Variants in THSD7A observed in about 807,000 individuals in gnomAD.
The protein encoded by THSD7A is thrombospondin type 1 domain containing 7A, also known as thrombospondin type-1 domain-containing protein 7A.
THSD7A carries 96 observed loss-of-function variants against 231.3 expected under a neutral mutation model. The observed-to-expected ratio is 0.41, with a 90% CI of 0.35 to 0.49. The LOEUF (loss-of-function observed/expected upper bound fraction) is 0.49, where lower values mean the gene tolerates loss of function less well. Ranked by LOEUF, THSD7A falls within the 20% of genes least tolerant of loss-of-function variation. The pLI, the probability that THSD7A is intolerant of heterozygous loss-of-function variation, is 0.05. For missense variants in THSD7A, 2,290 were observed against 2,070.2 expected, an observed-to-expected ratio of 1.11 and a Z score of -2.06; for synonymous variants, 940 against 743.3, an observed-to-expected ratio of 1.26 and a Z score of -4.30.
chr7:11,820,894 G>T, intron 1 of THSD7A: 1 of 891,272 alleles, frequency 1.1e-6, no homozygotes, highest in Non-Finnish European at 1.8e-6. Flanking sequence ...CTGGAGTCTC[G>T]GGAATTCACT....
rs371413319 is a variant in THSD7A at position 11,636,305 on chromosome 7, G to A, written c.847C>T (p.Arg283Trp). 6 of 1,613,728 alleles carry A rather than the reference G, an allele frequency of 3.7e-6. No individual in the cohort carries two copies. Among genetic ancestry groups the A allele is most frequent in the Middle Eastern group, 1.6e-4 (1 of 6,084 alleles). ...ACTCCTTTGCTGCGGTCCTTTTCCCGTTCTTTATTCTTCCCGCGTCTCCTT... is the reference window on the plus strand; with the variant it reads ...ACTCCTTTGCTGCGGTCCTTTTCCCATTCTTTATTCTTCCCGCGTCTCCTT... ...QARRRGKNKE[R>W]EKDRSKGVKD... Residue 283 changes from arginine (R) to tryptophan (W), a missense_variant, in exon 2 of 28, where the codon CGG (arginine) becomes TGG (tryptophan). Coordinates refer to ENST00000423059, the MANE Select transcript of THSD7A (RefSeq NM_015204.3). This position sits in a 1 kb window ranked among gnomAD's most constrained non-coding sequence, Gnocchi z 10.0.
intron 6 of THSD7A, among the ~76,000 whole-genome samples, chr7:11,492,325 G>C (rs1397239616): frequency 6.6e-6 from 1 of 151,858 alleles, no homozygotes; most frequent in Non-Finnish European, 1.5e-5. Flanking sequence ...TACTGCTTGG[G>C]ATTTCTTTCA....
chr7:11,510,769 G>A (rs564558921), intron 6 of THSD7A, among the ~76,000 whole-genome samples: 2 of 152,104 alleles, frequency 1.3e-5, no homozygotes, highest in Non-Finnish European at 2.9e-5. Context: ...TTGATGGAAC[G>A]TATCTCAAAA....
chr7:11,393,607 T>A (rs1023001998), intron 23 of THSD7A, among the ~76,000 whole-genome samples: 6 of 152,188 alleles, frequency 3.9e-5, no homozygotes, highest in African/African-American at 1.4e-4. Flanking sequence ...GCAGGGAAGC[T>A]AAGAACCTTG....
chr7:11,456,867 T>A (rs938238639), intron 11 of THSD7A, among the ~76,000 whole-genome samples: 2 of 151,998 alleles, frequency 1.3e-5, no homozygotes, highest in Non-Finnish European at 2.9e-5. Flanking sequence ...TTGATAAAAG[T>A]CATGAAGTAA....
intron 4 of THSD7A, among the ~76,000 whole-genome samples, chr7:11,544,261 G>A (rs1378204475): frequency 1.3e-5 from 2 of 152,068 alleles, no homozygotes; most frequent in South Asian, 4.1e-4. Context: ...AGAATCACTT[G>A]AACCTGGGAG....
intron 1 of THSD7A, among the ~76,000 whole-genome samples, chr7:11,805,720 A>T (rs1442136283): frequency 6.6e-6 from 1 of 152,118 alleles, no homozygotes; most frequent in African/African-American, 2.4e-5. Context: ...ATTTACAAAT[A>T]CATGCAATTT....
intron 2 of THSD7A, among the ~76,000 whole-genome samples, chr7:11,618,859 A>G (rs1316646113): frequency 6.6e-6 from 1 of 151,962 alleles, no homozygotes; most frequent in Non-Finnish European, 1.5e-5. Context: ...TTATGCACAC[A>G]TATGAATTTA....
At chr7:11,789,229 C>T (rs1020542664) in intron 1 of THSD7A, among the ~76,000 whole-genome samples, 1 of 152,008 alleles carries the variant, frequency 6.6e-6, no homozygotes, top group African/African-American at 2.4e-5. Context: ...GAAATGGGAA[C>T]AGAGTCAAGA....
chr7:11,520,746 T>C lies in THSD7A; in HGVS notation c.1822+20673A>G, dbSNP rs570742052. 2.0e-5 allele frequency among the ~76,000 whole-genome samples: 3 copies of C among 152,354 alleles called. No homozygotes were observed. In the South Asian group the frequency reaches 6.2e-4, roughly 32 times the overall value. ...TCACTCCAGCTTTCATTTATGAAGG[T>C]AGTCACTGTAAGGTCTATAAAATCA... On this transcript the variant is annotated intron_variant, in intron 6 of 27. Transcript: ENST00000423059.
rs114690795 is a variant in THSD7A at position 11,800,965 on chromosome 7, A to G, written c.190+30792T>C. On this transcript the variant is annotated intron_variant, in intron 1 of 27. Transcript: ENST00000423059. ...TGAATATATTTTGCATCTTGGTCAA[A>G]GTGATGGTATCAAGGGTAAACATAT... 8.1e-3 allele frequency among the ~76,000 whole-genome samples: 1,239 copies of G among 152,194 alleles called. 12 individuals carry two copies. The highest frequency in any genetic ancestry group is 0.028 in the African/African-American group (1,174 of 41,534).
intron 1 of THSD7A, among the ~76,000 whole-genome samples, chr7:11,757,858 T>A (rs965551160): frequency 2.0e-5 from 3 of 151,620 alleles, no homozygotes; most frequent in Non-Finnish European, 4.4e-5. Context: ...TAATTACTAA[T>A]GTTCAGATTC....
intron 6 of THSD7A, among the ~76,000 whole-genome samples, chr7:11,517,394 T>TA (rs988141745): frequency 6.7e-5 from 10 of 149,166 alleles, no homozygotes; most frequent in African/African-American, 2.2e-4. Flanking sequence ...TCATTATTTT[T>TA]AAAAAATCAC....
At chr7:11,481,022 T>C (rs557207053) in intron 7 of THSD7A, among the ~76,000 whole-genome samples, 1 of 152,198 alleles carries the variant, frequency 6.6e-6, no homozygotes, top group Non-Finnish European at 1.5e-5. Flanking sequence ...TTTACTTTTA[T>C]GCTTTTCTCA....
At chr7:11,780,903 A>G (rs560668071) in intron 1 of THSD7A, among the ~76,000 whole-genome samples, 164 of 144,110 alleles carry the variant, frequency 1.1e-3, no homozygotes, top group African/African-American at 3.7e-3. Context: ...AGGCAGGAGA[A>G]TGGCGTGAAC....
intron 4 of THSD7A, among the ~76,000 whole-genome samples, chr7:11,548,785 C>G (rs1789503340): frequency 6.6e-6 from 1 of 151,778 alleles, no homozygotes; most frequent in Non-Finnish European, 1.5e-5. Context: ...GCAGAAAAGT[C>G]TTTTGACTCA....
chr7:11,786,696 A>C (rs1440580338), intron 1 of THSD7A, among the ~76,000 whole-genome samples: 1 of 150,518 alleles, frequency 6.6e-6, no homozygotes, highest in African/African-American at 2.4e-5. Context: ...CTACTGTAGT[A>C]TGGGTTTTGT....
chr7:11,643,794 G>A (rs898445164), intron 1 of THSD7A, among the ~76,000 whole-genome samples: 1 of 151,944 alleles, frequency 6.6e-6, no homozygotes, highest in Admixed American at 6.6e-5. Flanking sequence ...ATATTATAAA[G>A]AATGCTATAA....
At chr7:11,555,080 T>C (rs767978431) in intron 4 of THSD7A, among the ~76,000 whole-genome samples, 4 of 151,954 alleles carry the variant, frequency 2.6e-5, no homozygotes, top group Non-Finnish European at 5.9e-5. Context: ...ATTTTTTATT[T>C]TCAATTTCAT....
Sources: gnomAD v4.1 joint callset for allele counts (sites outside exome capture counted in the v4.1 genomes callset) on GRCh38, gnomAD v4.1.1 for gene constraint, Gnocchi (gnomAD v3.1) non-coding constraint, MANE v1.5 for transcripts, NCBI Gene and HGNC (gene_info 2026-07-23, HGNC 2026-07-21) for gene names.